The following CSMD1 variants were observed in gnomAD, a reference collection of about 807,000 sequenced individuals.
CSMD1 encodes CUB and Sushi multiple domains 1.
A neutral mutation model predicts 417.5 loss-of-function variants in CSMD1; 213 were observed. That is an observed-to-expected ratio of 0.51 (90% CI 0.46 to 0.57). The LOEUF (loss-of-function observed/expected upper bound fraction) is 0.57, where lower values mean the gene tolerates loss of function less well. Among genes scored for constraint, CSMD1 ranks in the 20% least tolerant of loss-of-function variants. CSMD1 has a pLI of 0.00. For synonymous variants in CSMD1, 2,862 were observed against 1,736.8 expected, an observed-to-expected ratio of 1.65 and a Z score of -16.11; for missense variants, 6,923 against 4,529.7, an observed-to-expected ratio of 1.53 and a Z score of -15.17.
intron 5 of CSMD1, among the ~76,000 whole-genome samples, chr8:3,997,374 A>G (rs920495034): frequency 6.6e-6 from 1 of 152,050 alleles, no homozygotes; most frequent in Non-Finnish European, 1.5e-5. Flanking sequence ...CCTGCGGTTA[A>G]TTTTATACAT....
chr8:4,300,640 C>T (rs375501188), intron 3 of CSMD1, among the ~76,000 whole-genome samples: 1 of 152,130 alleles, frequency 6.6e-6, no homozygotes, highest in South Asian at 2.1e-4. Flanking sequence ...CCCATTAACT[C>T]GTCATTTAGC....
intron 5 of CSMD1, among the ~76,000 whole-genome samples, chr8:3,862,490 T>C (rs886483388): frequency 6.6e-6 from 1 of 152,212 alleles, no homozygotes; most frequent in African/African-American, 2.4e-5. Context: ...GAACTCAAAG[T>C]TCGCCTTTCC....
rs537165273 is a variant in CSMD1, at chr8:4,380,717, G to C, written c.415+39236C>G. Among the ~76,000 whole-genome samples, 8 of 152,180 alleles carry C rather than the reference G, an allele frequency of 5.3e-5. No individual in the cohort carries two copies. The East Asian group carries it at 5.8e-4, about 11-fold the overall frequency. ...TTAATAACAGAGGATTGTGGATGTT[G>C]TATCTATGGGAGCACTTCATACTGT... On this transcript the variant is annotated intron_variant, in intron 3 of 69. Coordinates refer to ENST00000635120, the MANE Select transcript of CSMD1 (RefSeq NM_033225.6).
chr8:4,274,638 C>T (rs534459413), intron 3 of CSMD1, among the ~76,000 whole-genome samples: 1 of 151,996 alleles, frequency 6.6e-6, no homozygotes, highest in Admixed American at 6.6e-5. Flanking sequence ...GAACAAAAAT[C>T]TATAGGTCTC....
chr8:3,782,433 G>A (rs996904239), intron 5 of CSMD1, among the ~76,000 whole-genome samples: 1 of 152,136 alleles, frequency 6.6e-6, no homozygotes. Flanking sequence ...CAACAACCCT[G>A]AATTCAGGAC....
At chr8:4,168,483 T>G (rs908973499) in intron 3 of CSMD1, among the ~76,000 whole-genome samples, 1 of 151,846 alleles carries the variant, frequency 6.6e-6, no homozygotes, top group African/African-American at 2.4e-5. Context: ...GTGGTAAAAG[T>G]AGAAAAAAGG....
intron 25 of CSMD1, among the ~76,000 whole-genome samples, chr8:3,296,709 A>T (rs1803996408): frequency 1.3e-5 from 2 of 152,108 alleles, no homozygotes; most frequent in East Asian, 1.9e-4. Context: ...ACAGGCTTGG[A>T]AGAGGTGTGC....
At position 3,571,132 on chromosome 8, in the gene CSMD1, G is replaced by T. The variant is rs373785343; in HGVS notation, c.1344+3813C>A. On this transcript the variant is annotated intron_variant, in intron 10 of 69. Coordinates refer to ENST00000635120, the MANE Select transcript of CSMD1 (RefSeq NM_033225.6). ...GTGGAAGATCATTCTCACGACAGCT[G>T]AGGCAAAATTTACCTCCAACTGACT... 1.2e-4 allele frequency among the ~76,000 whole-genome samples: 18 copies of T among 152,228 alleles called. No homozygotes were observed. The South Asian group carries it at 3.1e-3, about 26-fold the overall frequency.
chr8:3,732,764 A>C (rs912383899), intron 6 of CSMD1, among the ~76,000 whole-genome samples: 3 of 152,194 alleles, frequency 2.0e-5, no homozygotes, highest in South Asian at 4.1e-4. Flanking sequence ...ATGCTTAATT[A>C]CTAAGCTGAA....
intron 3 of CSMD1, among the ~76,000 whole-genome samples, chr8:4,167,047 G>C (rs373156142): frequency 2.6e-5 from 4 of 152,056 alleles, no homozygotes; most frequent in African/African-American, 9.7e-5. Flanking sequence ...CTAGAAAACA[G>C]CAACAAACGG....
At chr8:4,341,103 T>G (rs1800452387) in intron 3 of CSMD1, among the ~76,000 whole-genome samples, 1 of 152,100 alleles carries the variant, frequency 6.6e-6, no homozygotes, top group South Asian at 2.1e-4. Context: ...TAGAGATATC[T>G]CATTTCCAAT....
chr8:4,937,892 CTTGT>C (rs1563814319), intron 1 of CSMD1, among the ~76,000 whole-genome samples: 1 of 152,078 alleles, frequency 6.6e-6, no homozygotes, highest in African/African-American at 2.4e-5. Flanking sequence ...TTTCACCTTG[CTTGT>C]TTTTCCTCTT....
intron 2 of CSMD1, among the ~76,000 whole-genome samples, chr8:4,576,827 A>G (rs1055794475): frequency 6.7e-6 from 1 of 149,434 alleles, no homozygotes; most frequent in Non-Finnish European, 1.5e-5. Context: ...CTTAAAACAA[A>G]CTATTTTAAT....
At chr8:3,008,637 G>A (rs946725160) in intron 52 of CSMD1, among the ~76,000 whole-genome samples, 1 of 152,122 alleles carries the variant, frequency 6.6e-6, no homozygotes, top group Non-Finnish European at 1.5e-5. Context: ...TGCCCCCCTG[G>A]GTGACCTATG....
chr8:3,641,848 C>T (rs1270559419), intron 7 of CSMD1, among the ~76,000 whole-genome samples: 1 of 152,196 alleles, frequency 6.6e-6, no homozygotes, highest in East Asian at 1.9e-4. Flanking sequence ...CCATAACGTC[C>T]TATTATTGGT....
intron 5 of CSMD1, among the ~76,000 whole-genome samples, chr8:3,828,248 C>A (rs370980554): frequency 2.6e-5 from 4 of 152,086 alleles, no homozygotes; most frequent in East Asian, 3.9e-4. Context: ...AAATAAATGA[C>A]AACGTTATGT....
intron 10 of CSMD1, 108 bp downstream of exon 10, chr8:3,574,837 A>T: frequency 7.8e-7 from 1 of 1,282,938 alleles, no homozygotes; most frequent in Non-Finnish European, 1.1e-6. Context: ...TTAAATTCAA[A>T]CAGTAAAGTG....
At chr8:4,534,994 C>G (rs909045723) in intron 2 of CSMD1, among the ~76,000 whole-genome samples, 7 of 152,182 alleles carry the variant, frequency 4.6e-5, no homozygotes, top group Admixed American at 4.6e-4. Flanking sequence ...ATTTCCTGAC[C>G]TCGTGATCTG....
intron 2 of CSMD1, among the ~76,000 whole-genome samples, chr8:4,455,216 G>A (rs576666841): frequency 5.9e-5 from 9 of 152,244 alleles, no homozygotes; most frequent in Admixed American, 5.2e-4. Flanking sequence ...ATCTTACTCT[G>A]AAATACTTCT....
Sources: allele counts gnomAD v4.1 joint callset (sites outside exome capture counted in the v4.1 genomes callset), GRCh38; gene constraint gnomAD v4.1.1; transcripts MANE v1.5; gene names NCBI Gene and HGNC (gene_info 2026-07-23, HGNC 2026-07-21).